CAMTA1: variants seen among roughly 807,000 people sequenced by gnomAD.
CAMTA1 encodes calmodulin-binding transcription activator 1.
A neutral mutation model predicts 170.9 loss-of-function variants in CAMTA1; 27 were observed. The ratio of observed to expected loss-of-function variants is 0.16; its 90% confidence interval spans 0.12 to 0.22. CAMTA1 has a LOEUF of 0.22. Ranked by LOEUF, CAMTA1 falls within the 10% of genes least tolerant of loss-of-function variation. CAMTA1 has a pLI of 1.00. For synonymous variants in CAMTA1, 833 were observed against 891.5 expected (o/e 0.93, Z 1.17); for missense variants, 1,619 against 2,217.2 (o/e 0.73, Z 5.42).
intron 3 of CAMTA1, among the ~76,000 whole-genome samples, chr1:6,926,560 CTT>C: frequency 7.2e-6 from 1 of 139,088 alleles, no homozygotes; most frequent in South Asian, 2.4e-4. Flanking sequence ...TTCCTTCCTT[CTT>C]TCTCTCTCTC....
At chr1:7,256,172 A>G (rs1034834739) in intron 5 of CAMTA1, among the ~76,000 whole-genome samples, 10 of 152,354 alleles carry the variant, frequency 6.6e-5, no homozygotes, top group African/African-American at 2.2e-4. Flanking sequence ...ATTTCTAATT[A>G]CTTGGCATCC....
chr1:7,493,729 C>T (rs58440110), intron 6 of CAMTA1, among the ~76,000 whole-genome samples: 10,312 of 152,214 alleles, frequency 0.068, 433 homozygotes, highest in South Asian at 0.14. Context: ...TCGAGGATTC[C>T]CTCAAAGGGT....
In CAMTA1 at chr1:7,204,358, G is replaced by A. The variant is rs74325032; in HGVS notation, c.303-45133G>A. 1.1e-4 allele frequency among the ~76,000 whole-genome samples: 16 copies of A among 152,130 alleles called. No homozygotes were observed. The East Asian group carries it at 2.9e-3, about 28-fold the overall frequency. On this transcript the variant is annotated intron_variant, in intron 4 of 22. Coordinates refer to ENST00000303635, the MANE Select transcript of CAMTA1 (RefSeq NM_015215.4). ...CACAGCATCCCGTAAGTTTTGGTAT[G>A]TTGTGTCTTCATGTTTACCAATATT...
At position 6,970,100 on chromosome 1, in the gene CAMTA1, A is replaced by G. The variant is rs1043183573; in HGVS notation, c.235-121204A>G. 1.3e-5 allele frequency among the ~76,000 whole-genome samples: 2 copies of G among 152,160 alleles called. No individual in the cohort carries two copies. Among genetic ancestry groups the G allele is most frequent in the Non-Finnish European group, 1.5e-5 (1 of 68,024 alleles). ...GGATCTCTAACCCCAGTCAACCACT[A>G]ATTTGTTCACCATCTCTGTAAGACT... On this transcript the variant is annotated intron_variant, in intron 3 of 22. Transcript: ENST00000303635. This position sits in a 1 kb window ranked among gnomAD's most constrained non-coding sequence, Gnocchi z 4.4.
At chr1:6,939,984 T>C (rs1008781005) in intron 3 of CAMTA1, among the ~76,000 whole-genome samples, 1 of 152,262 alleles carries the variant, frequency 6.6e-6, no homozygotes, top group African/African-American at 2.4e-5. Flanking sequence ...GACTGTGAGC[T>C]CCTCCAGGCC....
At chr1:7,747,823 C>T in intron 19 of CAMTA1, 42 bp downstream of exon 19, 1 of 1,419,520 alleles carries the variant, frequency 7.0e-7, no homozygotes, top group South Asian at 1.2e-5. Context: ...CTGTGCCCCA[C>T]CCAAGGCCAC....
intron 3 of CAMTA1, among the ~76,000 whole-genome samples, chr1:6,985,339 C>A (rs547328377): frequency 6.6e-6 from 1 of 152,344 alleles, no homozygotes; most frequent in East Asian, 1.9e-4. Flanking sequence ...GACAGATGAT[C>A]TCTGCTCCTC....
Position 6,887,218 on chromosome 1 carries a change from A to G in CAMTA1, c.234+62008A>G, listed in dbSNP as rs1364397089. Among the ~76,000 whole-genome samples, 1 of 152,220 alleles carries G rather than the reference A, an allele frequency of 6.6e-6. No homozygotes were observed. Among genetic ancestry groups the G allele is most frequent in the Non-Finnish European group, 1.5e-5 (1 of 68,044 alleles). ...ACCCAAAACTTAAGTAGTTTGCTGA[A>G]TATGCATAGTAAGTAAAAAAATTCT... On this transcript the variant is annotated intron_variant, in intron 3 of 22. Coordinates refer to ENST00000303635, the MANE Select transcript of CAMTA1 (RefSeq NM_015215.4). The surrounding 1 kb of genome is among the most constrained non-coding windows in gnomAD (Gnocchi z 4.1).
intron 6 of CAMTA1, among the ~76,000 whole-genome samples, chr1:7,520,209 T>TC (rs1439372408): frequency 7.4e-3 from 2 of 270 alleles, no homozygotes; most frequent in Non-Finnish European, 0.014. Flanking sequence ...GACCTCCTCC[T>TC]CCTCCTCCTC....
intron 3 of CAMTA1, among the ~76,000 whole-genome samples, chr1:7,011,721 C>T (rs1280348366): frequency 6.6e-6 from 1 of 152,198 alleles, no homozygotes; most frequent in African/African-American, 2.4e-5. Context: ...CCACGTCCCC[C>T]ACTACAGTGT....
chr1:7,471,938 T>G (rs1037135301), intron 6 of CAMTA1, among the ~76,000 whole-genome samples: 1 of 152,242 alleles, frequency 6.6e-6, no homozygotes, highest in South Asian at 2.1e-4. Context: ...CAGACTTCCC[T>G]GCAGATTCTG....
intron 4 of CAMTA1, among the ~76,000 whole-genome samples, chr1:7,239,572 G>A (rs564923785): frequency 6.6e-6 from 1 of 150,720 alleles, no homozygotes; most frequent in East Asian, 2.0e-4. Flanking sequence ...CCATGTCCCA[G>A]CGCCCTCTGC....
At chr1:6,843,856 A>G (rs923877620) in intron 3 of CAMTA1, among the ~76,000 whole-genome samples, 1 of 152,236 alleles carries the variant, frequency 6.6e-6, no homozygotes, top group Non-Finnish European at 1.5e-5. Context: ...GCCCTTATAC[A>G]TCTGCGTGGC....
intron 6 of CAMTA1, among the ~76,000 whole-genome samples, chr1:7,628,830 G>A (rs1558024899): frequency 1.3e-5 from 2 of 152,244 alleles, no homozygotes; most frequent in South Asian, 4.1e-4. Context: ...TAGGCTGCAG[G>A]CAAGACCTCT....
intron 3 of CAMTA1, among the ~76,000 whole-genome samples, chr1:6,840,910 A>C (rs1375277457): frequency 6.6e-6 from 1 of 152,196 alleles, no homozygotes; most frequent in South Asian, 2.1e-4. Context: ...GTTATCACAA[A>C]TTTAGTGGCT....
rs750799866 is a variant in CAMTA1, at chr1:7,467,951, G to A, written c.510+50G>A. ...CTTCTGTCTCTGGTGCTCGGGAAGG[G>A]TCTGTGGAGGGCACTGAGGGCGCGG... On this transcript the variant is annotated intron_variant, in intron 6 of 22. Transcript: ENST00000303635. The A allele has an allele frequency of 4.7e-6, 7 of 1,505,292 alleles. No individual in the cohort carries two copies. In the African/African-American group the frequency reaches 6.9e-5, roughly 15 times the overall value. The allele number at this position is 1,505,292 out of a possible 1,614,324, so 93.2% of individuals were successfully genotyped here.
intron 3 of CAMTA1, among the ~76,000 whole-genome samples, chr1:7,005,466 C>T (rs964696092): frequency 1.3e-5 from 2 of 152,228 alleles, no homozygotes; most frequent in African/African-American, 4.8e-5. Context: ...CTTCCTTCTG[C>T]CTTCTTTTTC....
chr1:7,194,108 A>G (rs545967466), intron 4 of CAMTA1, among the ~76,000 whole-genome samples: 2 of 152,354 alleles, frequency 1.3e-5, no homozygotes, highest in South Asian at 4.1e-4. Flanking sequence ...ATTGTACCTA[A>G]TAATATGAAC....
chr1:7,132,475 A>G (rs1240236289), intron 4 of CAMTA1, among the ~76,000 whole-genome samples: 4 of 152,170 alleles, frequency 2.6e-5, no homozygotes, highest in African/African-American at 7.2e-5. Context: ...GGGTCTCACT[A>G]TGTTTCCCAG....
Sources: allele counts gnomAD v4.1 joint callset (sites outside exome capture counted in the v4.1 genomes callset), GRCh38; gene constraint gnomAD v4.1.1; non-coding constraint Gnocchi (gnomAD v3.1); transcripts MANE v1.5; gene names NCBI Gene and HGNC (gene_info 2026-07-23, HGNC 2026-07-21).